The following REEP3 variants were observed in gnomAD, a reference collection of about 807,000 sequenced individuals.
REEP3 encodes the protein receptor expression-enhancing protein 3.
A neutral mutation model predicts 41.3 loss-of-function variants in REEP3; 20 were observed. The observed-to-expected ratio is 0.48, with a 90% CI of 0.34 to 0.70. The LOEUF (loss-of-function observed/expected upper bound fraction) is 0.70, where lower values mean the gene tolerates loss of function less well. Among genes scored for constraint, REEP3 ranks in the 30% least tolerant of loss-of-function variants. The probability of loss-of-function intolerance (pLI) is 0.01; values close to 1 mark genes in which losing one functional copy is unlikely to be tolerated. For synonymous variants in REEP3, 104 were observed against 101.8 expected, an observed-to-expected ratio of 1.02 and a Z score of -0.13; for missense variants, 271 against 308.8, an observed-to-expected ratio of 0.88 and a Z score of 0.92.
chr10:63,591,622 C>T (rs1456731166), intron 2 of REEP3, among the ~76,000 whole-genome samples: 1 of 152,162 alleles, frequency 6.6e-6, no homozygotes, highest in Non-Finnish European at 1.5e-5. Flanking sequence ...TAAATATTCT[C>T]ACAACCTAAA....
At chr10:63,591,002 A>G (rs7896036) in intron 2 of REEP3, among the ~76,000 whole-genome samples, 10,356 of 152,212 alleles carry the variant, frequency 0.068, 651 homozygotes, top group African/African-American at 0.16. Context: ...TGTTTATAAG[A>G]TAGTGTATTG....
At chr10:63,583,366 T>G (rs915889719) in intron 2 of REEP3, among the ~76,000 whole-genome samples, 4 of 152,190 alleles carry the variant, frequency 2.6e-5, no homozygotes, top group Non-Finnish European at 5.9e-5. Context: ...GGCCAGTTCT[T>G]GACATTTAAA....
intron 1 of REEP3, among the ~76,000 whole-genome samples, chr10:63,545,587 A>C (rs1468140304): frequency 6.7e-6 from 1 of 148,780 alleles, no homozygotes; most frequent in Non-Finnish European, 1.5e-5. Context: ...GTTGGCCAGG[A>C]TGGTCTCGAT....
chr10:63,590,498 A>G (rs2133399152), intron 2 of REEP3, among the ~76,000 whole-genome samples: 1 of 147,272 alleles, frequency 6.8e-6, no homozygotes, highest in East Asian at 2.1e-4. Flanking sequence ...TTGGATAATT[A>G]AGTTCTCTGG....
intron 3 of REEP3, 148 bp from the exon 4 acceptor site, chr10:63,597,876 G>T: frequency 1.8e-6 from 1 of 557,002 alleles, no homozygotes; most frequent in Non-Finnish European, 3.0e-6. Context: ...TGGTGCCATT[G>T]CACTCAGATG....
At chr10:63,618,237 C>CTTTTTTTT (rs60115766) in intron 6 of REEP3, among the ~76,000 whole-genome samples, 4 of 66,576 alleles carry the variant, frequency 6.0e-5, no homozygotes, top group African/African-American at 2.3e-4. Flanking sequence ...TTTCCTTCTT[C>CTTTTTTTT]TTTTTTTTTT....
intron 1 of REEP3, 123 bp from the exon 2 acceptor site, chr10:63,566,215 C>G: frequency 1.5e-6 from 1 of 663,026 alleles, no homozygotes; most frequent in Non-Finnish European, 2.6e-6. Flanking sequence ...TATATTTTTA[C>G]TTTTTCTGAG....
In REEP3 at chr10:63,521,574, T is replaced by C. The variant is rs374920127; in HGVS notation, c.29T>C (p.Val10Ala). MVSWMISRA[V>A]VLVFGMLYPA... ...GTGTCCTGGATGATCTCCAGAGCCG[T>C]GGTGTAAGTGCCTCTCACTGCGCCC... The change falls in exon 1 of 8, where the codon GTG (valine) becomes GCG (alanine). Residue 10 changes from valine to alanine, a missense_variant. Transcript: ENST00000373758. 1.5e-5 allele frequency: 20 copies of C among 1,352,136 alleles called. No homozygotes were observed. Among genetic ancestry groups the C allele is most frequent in the Non-Finnish European group, 1.9e-5 (20 of 1,033,152 alleles). 83.8% of individuals were successfully genotyped at this position (1,352,136 alleles called of 1,614,324 possible). A position where few individuals can be genotyped will look rare whatever the true frequency, so the allele number is the denominator to read the frequency against.
chr10:63,560,557 C>G (rs1218540865), intron 1 of REEP3, among the ~76,000 whole-genome samples: 1 of 152,138 alleles, frequency 6.6e-6, no homozygotes, highest in Admixed American at 6.6e-5. Flanking sequence ...AGCCAGCGTT[C>G]GTACATTTCC....
At chr10:63,579,658 A>G (rs924683251) in intron 2 of REEP3, among the ~76,000 whole-genome samples, 5 of 152,254 alleles carry the variant, frequency 3.3e-5, no homozygotes, top group African/African-American at 1.2e-4. Context: ...ACTTAAACCT[A>G]AGAGGCTAAG....
chr10:63,589,954 C>T (rs1956045101), intron 2 of REEP3, among the ~76,000 whole-genome samples: 1 of 151,686 alleles, frequency 6.6e-6, no homozygotes, highest in Non-Finnish European at 1.5e-5. Flanking sequence ...ACTACCATGC[C>T]CGGCTAATTT....
At chr10:63,566,836 C>T (rs1955803900) in intron 2 of REEP3, among the ~76,000 whole-genome samples, 1 of 152,190 alleles carries the variant, frequency 6.6e-6, no homozygotes, top group East Asian at 1.9e-4. Context: ...TACTCCATCA[C>T]CACTGACAAC....
chr10:63,599,150 T>A lies in REEP3; in HGVS notation c.304-20T>A, dbSNP rs201524152. On this transcript the variant is annotated intron_variant, in intron 4 of 7. Transcript: ENST00000373758. Reference sequence around the variant, plus strand: ...ACACTATTTTTAAGTAAAACTAACATCTGTGGCTTTTTCCCCCAGGAGATT... The same window carrying A: ...ACACTATTTTTAAGTAAAACTAACAACTGTGGCTTTTTCCCCCAGGAGATT... 6 of 1,248,850 alleles carry A rather than the reference T, an allele frequency of 4.8e-6. No homozygotes were observed. The highest frequency in any genetic ancestry group is 6.9e-6 in the Non-Finnish European group (6 of 871,140). 77.4% of individuals were successfully genotyped at this position (1,248,850 alleles called of 1,614,324 possible). A position where few individuals can be genotyped will look rare whatever the true frequency, so the allele number is the denominator to read the frequency against.
At chr10:63,615,743 G>C (rs971507944) in intron 6 of REEP3, among the ~76,000 whole-genome samples, 10 of 151,288 alleles carry the variant, frequency 6.6e-5, no homozygotes, top group African/African-American at 2.4e-4. Flanking sequence ...ATGGGGTTTT[G>C]CCATATTGGC....
At chr10:63,606,631 T>C (rs1385160642) in intron 5 of REEP3, among the ~76,000 whole-genome samples, 2 of 152,284 alleles carry the variant, frequency 1.3e-5, no homozygotes, top group Middle Eastern at 3.4e-3. Context: ...GCATTATTAA[T>C]TTAAACAAAA....
At chr10:63,612,507 G>T (rs954421025) in intron 6 of REEP3, among the ~76,000 whole-genome samples, 1 of 152,116 alleles carries the variant, frequency 6.6e-6, no homozygotes, top group Non-Finnish European at 1.5e-5. Context: ...TTAAAATTAG[G>T]TGGTCAGTCA....
intron 6 of REEP3, 26 bp from the exon 7 acceptor site, chr10:63,619,629 C>T: frequency 6.3e-7 from 1 of 1,582,760 alleles, no homozygotes; most frequent in Non-Finnish European, 8.6e-7. Context: ...TTTACCAAAA[C>T]ATGCTGTTTT....
At chr10:63,585,314 G>T (rs1308111736) in intron 2 of REEP3, among the ~76,000 whole-genome samples, 1 of 152,132 alleles carries the variant, frequency 6.6e-6, no homozygotes, top group East Asian at 1.9e-4. Context: ...ATATGGATAT[G>T]TTACAAAGGA....
chr10:63,577,527 G>A (rs1278131637), intron 2 of REEP3, among the ~76,000 whole-genome samples: 2 of 152,058 alleles, frequency 1.3e-5, no homozygotes, highest in African/African-American at 4.8e-5. Context: ...GGGTTCATGC[G>A]ATCCTCCCTC....
Sources: allele counts gnomAD v4.1 joint callset (sites outside exome capture counted in the v4.1 genomes callset), GRCh38; gene constraint gnomAD v4.1.1; transcripts MANE v1.5; gene names NCBI Gene and HGNC (gene_info 2026-07-23, HGNC 2026-07-21).